Variants in AKAP13 observed in about 807,000 individuals in gnomAD.
AKAP13 encodes A-kinase anchoring protein 13, also known as A-kinase anchor protein 13.
A neutral mutation model predicts 264.5 loss-of-function variants in AKAP13; 80 were observed. The observed-to-expected ratio is 0.30, with a 90% CI of 0.25 to 0.36. The LOEUF is 0.36. Ranked by LOEUF, AKAP13 falls within the 10% of genes least tolerant of loss-of-function variation. The pLI is 1.00. For missense variants in AKAP13, 3,712 were observed against 3,435.2 expected, an observed-to-expected ratio of 1.08 and a Z score of -2.01; for synonymous variants, 1,380 against 1,250.2, an observed-to-expected ratio of 1.10 and a Z score of -2.19.
chr15:85,516,756 A>G (rs1277649429), intron 2 of AKAP13, among the ~76,000 whole-genome samples: 1 of 152,162 alleles, frequency 6.6e-6, no homozygotes, highest in Non-Finnish European at 1.5e-5. Context: ...TCAGTGGTGT[A>G]AATACTCCCA....
intron 14 of AKAP13, among the ~76,000 whole-genome samples, chr15:85,681,802 A>G (rs917426529): frequency 6.6e-6 from 1 of 152,004 alleles, no homozygotes; most frequent in Non-Finnish European, 1.5e-5. Flanking sequence ...TATTCTTCCT[A>G]TGATGTCATC....
At chr15:85,740,773 CCA>C (rs1287091991) in intron 34 of AKAP13, among the ~76,000 whole-genome samples, 5 of 51,928 alleles carry the variant, frequency 9.6e-5, no homozygotes, top group South Asian at 1.4e-3. Flanking sequence ...ACACACACAA[CCA>C]CCCCCCCCCC....
intron 36 of AKAP13, 160 bp downstream of exon 36, chr15:85,743,985 C>A: frequency 1.2e-6 from 1 of 814,938 alleles, no homozygotes; most frequent in Non-Finnish European, 1.9e-6. Flanking sequence ...TAAGAGCACT[C>A]ATGCAGCGAA....
At position 85,547,668 on chromosome 15, in the gene AKAP13, A is replaced by G. The variant is rs544256714; in HGVS notation, c.662+3713A>G. 2.0e-4 allele frequency among the ~76,000 whole-genome samples: 30 copies of G among 152,334 alleles called. No individual in the cohort carries two copies. The South Asian group carries it at 5.2e-3, about 26-fold the overall frequency. On this transcript the variant is annotated intron_variant, in intron 5 of 36. Coordinates refer to ENST00000394518, the MANE Select transcript of AKAP13 (RefSeq NM_007200.5). ...ACTTTAGCTTATATTTAGATCTTACATTATGAATATGAATGCATTTGTGAT... is the reference window on the plus strand; with the variant it reads ...ACTTTAGCTTATATTTAGATCTTACGTTATGAATATGAATGCATTTGTGAT...
intron 1 of AKAP13, among the ~76,000 whole-genome samples, chr15:85,392,856 C>T (rs192596156): frequency 1.3e-5 from 2 of 152,196 alleles, no homozygotes; most frequent in Non-Finnish European, 2.9e-5. Flanking sequence ...TTGAACTGAG[C>T]ATGAAGTTGT....
At chr15:85,437,803 G>T (rs2073386638) in intron 1 of AKAP13, among the ~76,000 whole-genome samples, 1 of 152,166 alleles carries the variant, frequency 6.6e-6, no homozygotes, top group Admixed American at 6.5e-5. Context: ...ATTAGGTATT[G>T]ATGGGATGTA....
intron 15 of AKAP13, chr15:85,683,699 G>C (rs2084738160): frequency 1.3e-5 from 2 of 152,202 alleles, no homozygotes; most frequent in African/African-American, 4.8e-5. Context: ...TTGAACTCCT[G>C]ACCTCGTGAT....
chr15:85,452,262 C>G (rs1366825658), intron 1 of AKAP13, among the ~76,000 whole-genome samples: 1 of 150,608 alleles, frequency 6.6e-6, no homozygotes, highest in East Asian at 1.9e-4. Flanking sequence ...TCCTTCAGCT[C>G]CTGTATCACT....
intron 5 of AKAP13, among the ~76,000 whole-genome samples, chr15:85,546,368 G>A (rs934952887): frequency 5.1e-5 from 6 of 117,736 alleles, no homozygotes; most frequent in African/African-American, 1.7e-4. Context: ...ACAGCCAAAA[G>A]TGTAAACAAC....
At chr15:85,415,008 T>G (rs1405353552) in intron 1 of AKAP13, among the ~76,000 whole-genome samples, 1 of 152,212 alleles carries the variant, frequency 6.6e-6, no homozygotes, top group Non-Finnish European at 1.5e-5. Context: ...TCAACTGTTT[T>G]GGTTGGGTTT....
intron 1 of AKAP13, among the ~76,000 whole-genome samples, chr15:85,405,727 G>T (rs1277253381): frequency 6.6e-6 from 1 of 152,190 alleles, no homozygotes; most frequent in Non-Finnish European, 1.5e-5. Context: ...CAGTTTGCAA[G>T]CCGTTCCAGA....
intron 10 of AKAP13, among the ~76,000 whole-genome samples, chr15:85,650,347 C>T (rs1055958727): frequency 6.6e-6 from 1 of 152,058 alleles, no homozygotes; most frequent in Non-Finnish European, 1.5e-5. Context: ...GAGAGGATCA[C>T]TTGAGCCTTG....
At chr15:85,620,068 T>C (rs1177023768) in intron 8 of AKAP13, 2 of 1,535,942 alleles carry the variant, frequency 1.3e-6, no homozygotes, top group African/African-American at 2.7e-5. Context: ...GCATTTTCTC[T>C]GTTCTTTCTT....
chr15:85,593,482 C>T (rs2079672124), intron 8 of AKAP13, among the ~76,000 whole-genome samples: 1 of 151,716 alleles, frequency 6.6e-6, no homozygotes, highest in Non-Finnish European at 1.5e-5. Context: ...GATCCTCCTG[C>T]CTTGGCCTCC....
At chr15:85,732,619 ATC>A (rs1435768479) in intron 30 of AKAP13, among the ~76,000 whole-genome samples, 3 of 149,094 alleles carry the variant, frequency 2.0e-5, no homozygotes, top group South Asian at 4.2e-4. Context: ...TTAGTATTAC[ATC>A]TCTATTTCCT....
chr15:85,607,856 T>C (rs2080424381), intron 8 of AKAP13, among the ~76,000 whole-genome samples: 1 of 152,254 alleles, frequency 6.6e-6, no homozygotes, highest in Non-Finnish European at 1.5e-5. Flanking sequence ...TAATAGTCTC[T>C]GAATGAACAG....
intron 30 of AKAP13, among the ~76,000 whole-genome samples, chr15:85,731,044 T>G (rs558651031): frequency 3.4e-5 from 5 of 145,056 alleles, no homozygotes; most frequent in African/African-American, 1.3e-4. Flanking sequence ...CTGCTCTGTT[T>G]CCCAGGCTGG....
intron 8 of AKAP13, among the ~76,000 whole-genome samples, chr15:85,592,840 A>G (rs941920698): frequency 6.6e-6 from 1 of 152,240 alleles, no homozygotes; most frequent in South Asian, 2.1e-4. Context: ...TGGCAAAACT[A>G]TAAACTTAGT....
chr15:85,484,714 T>C (rs1165215358), intron 1 of AKAP13, among the ~76,000 whole-genome samples: 4 of 152,210 alleles, frequency 2.6e-5, no homozygotes, highest in Non-Finnish European at 5.9e-5. Flanking sequence ...TTATTTGAGT[T>C]AGGCATGGCT....
Sources: allele counts gnomAD v4.1 joint callset (sites outside exome capture counted in the v4.1 genomes callset), GRCh38; gene constraint gnomAD v4.1.1; transcripts MANE v1.5; gene names NCBI Gene and HGNC (gene_info 2026-07-23, HGNC 2026-07-21).